ST7L: variants seen among roughly 807,000 people sequenced by gnomAD.
ST7L encodes suppressor of tumorigenicity 7 protein-like.
Under a neutral mutation model 72.5 loss-of-function variants are expected in ST7L, and 57 were observed. The ratio of observed to expected loss-of-function variants is 0.79; its 90% confidence interval spans 0.64 to 0.98. The LOEUF (loss-of-function observed/expected upper bound fraction) is 0.98. ST7L is among the 50% of genes least tolerant of loss of function. The pLI is 0.00. For synonymous variants in ST7L, 221 were observed against 240.9 expected, an observed-to-expected ratio of 0.92 and a Z score of 0.77; for missense variants, 576 against 672.2, an observed-to-expected ratio of 0.86 and a Z score of 1.58.
chr1:112,578,265 T>G, intron 10 of ST7L, 80 bp downstream of exon 10: 1 of 1,305,728 alleles, frequency 7.7e-7, no homozygotes, highest in Non-Finnish European at 1.1e-6. Context: ...GAAAACAGCA[T>G]TGTTTAAAGT....
intron 11 of ST7L, among the ~76,000 whole-genome samples, chr1:112,575,602 A>G (rs1188249326): frequency 1.3e-5 from 2 of 152,150 alleles, no homozygotes; most frequent in Non-Finnish European, 2.9e-5. Flanking sequence ...TATGCTGGAC[A>G]AGGGGATGAG....
At chr1:112,570,796 C>G (rs1042706087) in intron 11 of ST7L, 4 of 455,626 alleles carry the variant, frequency 8.8e-6, no homozygotes, top group African/African-American at 8.0e-5. Flanking sequence ...CAGAGCTCTC[C>G]CAGTTCATAT....
intron 5 of ST7L, among the ~76,000 whole-genome samples, chr1:112,595,654 T>C (rs912820751): frequency 7.9e-5 from 12 of 152,066 alleles, no homozygotes; most frequent in Admixed American, 7.2e-4. Flanking sequence ...CCTAGACTCA[T>C]GGGATGCTCC....
chr1:112,575,336 C>A (rs893765509), intron 11 of ST7L, among the ~76,000 whole-genome samples: 1 of 152,198 alleles, frequency 6.6e-6, no homozygotes. Context: ...CCAAACCCTA[C>A]GTACACCATG....
intron 1 of ST7L, chr1:112,617,858 T>C: frequency 2.2e-6 from 1 of 461,606 alleles, no homozygotes; most frequent in South Asian, 2.1e-5. Context: ...AGTAACACTG[T>C]GCATAGAAAC....
At chr1:112,614,806 G>A (rs1212338729) in intron 2 of ST7L, among the ~76,000 whole-genome samples, 1 of 152,004 alleles carries the variant, frequency 6.6e-6, no homozygotes, top group Non-Finnish European at 1.5e-5. Flanking sequence ...AAAATTTAAA[G>A]GGAAGAGAAA....
At position 112,534,855 on chromosome 1, in the gene ST7L, A is replaced by C. The variant is rs144315362; in HGVS notation, c.1629+7096T>G. On this transcript the variant is annotated intron_variant, in intron 14 of 14. Coordinates refer to ENST00000358039, the MANE Select transcript of ST7L (RefSeq NM_017744.5). ...TGTCCCAAGCGCTAATGATTAAGCA[A>C]TAAATATATCAGTAGCAGTTAGTGA... Among the ~76,000 whole-genome samples, 664 of 152,348 alleles carry C rather than the reference A, an allele frequency of 4.4e-3. 3 individuals are homozygous for C. The highest frequency in any genetic ancestry group is 6.2e-3 in the Non-Finnish European group (421 of 68,034).
At chr1:112,541,500 G>A (rs1425450024) in intron 14 of ST7L, among the ~76,000 whole-genome samples, 1 of 152,038 alleles carries the variant, frequency 6.6e-6, no homozygotes, top group East Asian at 1.9e-4. Flanking sequence ...TGTACCTAGG[G>A]ACAAATGTCC....
At chr1:112,590,926 A>AC (rs1486899227) in intron 6 of ST7L, among the ~76,000 whole-genome samples, 1 of 141,784 alleles carries the variant, frequency 7.1e-6, no homozygotes, top group Non-Finnish European at 1.5e-5. Flanking sequence ...GTATTTTAGT[A>AC]CCCTTTTTTT....
intron 14 of ST7L, chr1:112,540,921 T>C (rs1318124510): frequency 3.5e-6 from 4 of 1,128,116 alleles, no homozygotes; most frequent in Middle Eastern, 2.3e-4. Flanking sequence ...TTAAAAAGGC[T>C]TGGAGACTTA....
At chr1:112,601,370 C>T (rs1667361048) in intron 3 of ST7L, among the ~76,000 whole-genome samples, 1 of 152,096 alleles carries the variant, frequency 6.6e-6, no homozygotes, top group Non-Finnish European at 1.5e-5. Flanking sequence ...CTCAGCCTCC[C>T]GAGTAGCTGA....
intron 14 of ST7L, 162 bp downstream of exon 14, chr1:112,541,789 A>T: frequency 7.5e-7 from 1 of 1,333,218 alleles, no homozygotes. Context: ...ATCACCAAAA[A>T]TTTATGTTTG....
intron 7 of ST7L, 102 bp downstream of exon 7, chr1:112,583,866 TTAAC>T (rs1664478620): frequency 7.6e-7 from 1 of 1,311,316 alleles, no homozygotes; most frequent in South Asian, 1.5e-5. Context: ...CCAGTGAAAA[TTAAC>T]TAACCTGTAA....
chr1:112,580,731 T>G (rs1663969889), intron 9 of ST7L, among the ~76,000 whole-genome samples: 1 of 152,208 alleles, frequency 6.6e-6, no homozygotes, highest in Non-Finnish European at 1.5e-5. Flanking sequence ...GAGACCATCC[T>G]GGCCAACATG....
At chr1:112,581,702 C>G (rs1664151739) in intron 9 of ST7L, among the ~76,000 whole-genome samples, 1 of 152,180 alleles carries the variant, frequency 6.6e-6, no homozygotes, top group African/African-American at 2.4e-5. Flanking sequence ...AGCCACCATG[C>G]CCAGCCTCCC....
chr1:112,596,998 A>G (rs1233692879), intron 5 of ST7L, among the ~76,000 whole-genome samples: 1 of 152,200 alleles, frequency 6.6e-6, no homozygotes, highest in Non-Finnish European at 1.5e-5. Context: ...AATGTGCTGG[A>G]TAATAGAGAT....
chr1:112,538,554 G>A (rs7512948), intron 14 of ST7L, among the ~76,000 whole-genome samples: 86,071 of 151,944 alleles, frequency 0.57, 24,823 homozygotes, highest in East Asian at 0.71. Flanking sequence ...CATGTTACCC[G>A]GGCTGGTCAT....
chr1:112,531,946 A>T (rs771671051), intron 14 of ST7L, among the ~76,000 whole-genome samples: 2 of 152,132 alleles, frequency 1.3e-5, no homozygotes, highest in Non-Finnish European at 2.9e-5. Context: ...TTTTCAGGTT[A>T]TCCAGGACTC....
Position 112,525,833 on chromosome 1 carries a change from C to A in ST7L, c.*180G>T. 1.3e-6 allele frequency: 1 copy of A among 743,484 alleles called. No homozygotes were observed. The highest frequency in any genetic ancestry group is 2.0e-6 in the Non-Finnish European group (1 of 498,658). 46.1% of individuals were successfully genotyped at this position (743,484 alleles called of 1,614,324 possible). On this transcript the variant is annotated 3_prime_UTR_variant, in exon 15 of 15. Transcript: ENST00000358039. The stretch of plus-strand genomic sequence containing the variant: ...CATCTACAGTTGTCCTTTTTGACAG[C>A]TTCCAAGGGGGGTTTGCCTAGGAAT...
Sources: allele counts gnomAD v4.1 joint callset (sites outside exome capture counted in the v4.1 genomes callset), GRCh38; gene constraint gnomAD v4.1.1; transcripts MANE v1.5; gene names NCBI Gene and HGNC (gene_info 2026-07-23, HGNC 2026-07-21).